Variants in PDK1 observed in about 807,000 individuals in gnomAD.
The protein encoded by PDK1 is pyruvate dehydrogenase kinase 1, also known as [Pyruvate dehydrogenase (acetyl-transferring)] kinase isozyme 1, mitochondrial.
A neutral mutation model predicts 54.2 loss-of-function variants in PDK1; 39 were observed. The ratio of observed to expected loss-of-function variants is 0.72; its 90% CI spans 0.56 to 0.94. PDK1 has a LOEUF of 0.94. Ranked by LOEUF, PDK1 falls within the 40% of genes least tolerant of loss-of-function variation. The pLI, the probability that PDK1 is intolerant of heterozygous loss-of-function variation, is 0.00. For synonymous variants in PDK1, 221 were observed against 207.1 expected (o/e 1.07, Z -0.58); for missense variants, 552 against 566.0 (o/e 0.98, Z 0.25).
chr2:172,590,243 C>T (rs1243098720), intron 9 of PDK1, among the ~76,000 whole-genome samples: 1 of 152,218 alleles, frequency 6.6e-6, no homozygotes, highest in Non-Finnish European at 1.5e-5. Flanking sequence ...AGAGATAACA[C>T]ATTTTATATG....
At chr2:172,720,876 G>A in the PDK1 span, among the ~76,000 whole-genome samples, 2 of 152,064 alleles carry the variant, frequency 1.3e-5, no homozygotes, top group Non-Finnish European at 2.9e-5. Flanking sequence ...TTCAGCAACT[G>A]CACTCCCCTC....
chr2:172,689,642 C>G, the PDK1 span, among the ~76,000 whole-genome samples: 1 of 152,064 alleles, frequency 6.6e-6, no homozygotes, highest in Non-Finnish European at 1.5e-5. Flanking sequence ...GTACTGGTAC[C>G]AAAACAGAGA....
At chr2:172,577,716 CT>C (rs964577691) in intron 8 of PDK1, among the ~76,000 whole-genome samples, 1 of 151,990 alleles carries the variant, frequency 6.6e-6, no homozygotes, top group Non-Finnish European at 1.5e-5. Flanking sequence ...CTAAATAGGC[CT>C]TTTCCCCTCC....
chr2:172,645,259 G>GTTT, the PDK1 span, among the ~76,000 whole-genome samples: 30 of 38,694 alleles, frequency 7.8e-4, no homozygotes, highest in East Asian at 2.9e-3. Context: ...TACAAAATAG[G>GTTT]CTTTTTTTTT....
the PDK1 span, among the ~76,000 whole-genome samples, chr2:172,710,614 A>T: frequency 6.6e-6 from 1 of 152,186 alleles, no homozygotes; most frequent in East Asian, 1.9e-4. Context: ...GTCCTGCACT[A>T]CTGGGCAAAG....
rs1240769363 is a variant in PDK1 at position 172,575,607 on chromosome 2, A to G, written c.945+4783A>G. ...GAAGCCAAGGCAGGTGGATCACCTG[A>G]GGTCAGGAGTTTGAGACTAGCCTGG... On this transcript the variant is annotated intron_variant, in intron 8 of 10. Coordinates refer to ENST00000282077, the MANE Select transcript of PDK1 (RefSeq NM_002610.5). Among the ~76,000 whole-genome samples the G allele has an allele frequency of 5.9e-5, 9 of 152,222 alleles. No homozygotes were observed. The South Asian group carries it at 1.9e-3, about 32-fold the overall frequency.
chr2:172,603,898 C>A lies in PDK1; in HGVS notation c.*7929C>A, dbSNP rs1342071537. On this transcript the variant is annotated 3_prime_UTR_variant, in exon 11 of 11. Coordinates refer to ENST00000282077, the MANE Select transcript of PDK1 (RefSeq NM_002610.5). ...GTATGGGTGACTGCTGAGGGTTTAACAAAGGAGAGTCCATTTATATTTGGC... is the reference window on the plus strand; with the variant it reads ...GTATGGGTGACTGCTGAGGGTTTAAAAAAGGAGAGTCCATTTATATTTGGC... 6.6e-6 allele frequency: 1 copy of A among 152,128 alleles called. No individual in the cohort carries two copies. The highest frequency in any genetic ancestry group is 1.5e-5 in the Non-Finnish European group (1 of 68,034). The allele number at this position is 152,128 out of a possible 1,614,324, so 9.4% of individuals were successfully genotyped here. A position where few individuals can be genotyped will look rare whatever the true frequency, so the allele number is the denominator to read the frequency against.
chr2:172,637,234 G>T, the PDK1 span, among the ~76,000 whole-genome samples: 1 of 152,144 alleles, frequency 6.6e-6, no homozygotes, highest in South Asian at 2.1e-4. Context: ...TTCTGGAGCA[G>T]CTCCCTGACG....
the PDK1 span, among the ~76,000 whole-genome samples, chr2:172,647,961 T>C: frequency 2.6e-5 from 4 of 152,206 alleles, no homozygotes; most frequent in Admixed American, 1.3e-4. Flanking sequence ...CAGAAATGTT[T>C]TATTTTGATC....
At chr2:172,594,031 G>GT (rs1447029568) in intron 10 of PDK1, among the ~76,000 whole-genome samples, 8 of 142,840 alleles carry the variant, frequency 5.6e-5, no homozygotes, top group Non-Finnish European at 1.2e-4. Context: ...TCAATGCAAT[G>GT]TTTTTCTTTT....
the PDK1 span, among the ~76,000 whole-genome samples, chr2:172,652,264 A>C: frequency 6.6e-6 from 1 of 152,258 alleles, no homozygotes; most frequent in South Asian, 2.1e-4. Context: ...GAGAAAATTC[A>C]ACAGCCCTTC....
Position 172,560,437 on chromosome 2 carries a change from G to A in PDK1, c.338+1588G>A, listed in dbSNP as rs112602220. ...CTCACCTTGGCTTCACAAAGTGTTG[G>A]TATTACAGACATGAGCCACCGCACC... is the stretch of plus-strand genomic sequence containing the variant. On this transcript the variant is annotated intron_variant, in intron 2 of 10. Coordinates refer to ENST00000282077, the MANE Select transcript of PDK1 (RefSeq NM_002610.5). 8.1e-3 allele frequency among the ~76,000 whole-genome samples: 1,228 copies of A among 152,308 alleles called. 9 individuals are homozygous for A. Among genetic ancestry groups the A allele is most frequent in the Non-Finnish European group, 0.014 (969 of 68,030 alleles).
At chr2:172,579,498 T>C (rs1429729847) in intron 8 of PDK1, among the ~76,000 whole-genome samples, 1 of 151,648 alleles carries the variant, frequency 6.6e-6, no homozygotes, top group Non-Finnish European at 1.5e-5. Flanking sequence ...TTCTAAATGA[T>C]TTTTGCACCC....
At chr2:172,556,646 C>A in intron 1 of PDK1, 1 of 293,374 alleles carries the variant, frequency 3.4e-6, no homozygotes, top group Non-Finnish European at 6.3e-6. Context: ...TAGGCCAGGC[C>A]CCTTCCAAGG....
chr2:172,647,285 C>T, the PDK1 span, among the ~76,000 whole-genome samples: 6 of 152,132 alleles, frequency 3.9e-5, no homozygotes, highest in African/African-American at 7.2e-5. Context: ...TATGATGGAT[C>T]GGATACACTG....
the PDK1 span, among the ~76,000 whole-genome samples, chr2:172,701,115 T>A: frequency 6.6e-6 from 1 of 152,136 alleles, no homozygotes; most frequent in South Asian, 2.1e-4. Context: ...TAGATGCACA[T>A]GGTGTTAGAA....
At chr2:172,665,647 C>G in the PDK1 span, among the ~76,000 whole-genome samples, 2 of 152,260 alleles carry the variant, frequency 1.3e-5, no homozygotes, top group East Asian at 3.9e-4. Flanking sequence ...ATTTGCCTAC[C>G]AGATTCCTTT....
chr2:172,649,692 C>T, the PDK1 span, among the ~76,000 whole-genome samples: 2 of 152,066 alleles, frequency 1.3e-5, no homozygotes, highest in Non-Finnish European at 2.9e-5. Flanking sequence ...GTGACGCATG[C>T]ACAAGCTTCA....
At chr2:172,646,278 T>A in the PDK1 span, among the ~76,000 whole-genome samples, 1 of 152,194 alleles carries the variant, frequency 6.6e-6, no homozygotes, top group Non-Finnish European at 1.5e-5. Context: ...TTTGTTTCAA[T>A]TTTTTGGCAT....
Sources: gnomAD v4.1 joint callset for allele counts (sites outside exome capture counted in the v4.1 genomes callset) on GRCh38, gnomAD v4.1.1 for gene constraint, MANE v1.5 for transcripts, NCBI Gene and HGNC (gene_info 2026-07-23, HGNC 2026-07-21) for gene names.